PCDH19: variants seen among roughly 807,000 people sequenced by gnomAD.
The protein encoded by PCDH19 is protocadherin-19.
Under a neutral mutation model 46.2 loss-of-function variants are expected in PCDH19, and 6 were observed. The observed-to-expected ratio is 0.13, with a 90% CI of 0.07 to 0.26. PCDH19 has a LOEUF of 0.26. PCDH19 is among the 10% of genes least tolerant of loss of function. The pLI is 1.00. For synonymous variants in PCDH19, 481 were observed against 415.7 expected, an observed-to-expected ratio of 1.16 and a Z score of -1.91; for missense variants, 740 against 972.3, an observed-to-expected ratio of 0.76 and a Z score of 3.18.
chrX:100,353,418 G>T (rs1018976826), intron 3 of PCDH19, among the ~76,000 whole-genome samples: 1 of 111,936 alleles, frequency 8.9e-6, no homozygotes. Context: ...TGTGCACTCT[G>T]CATCAAATAT....
At chrX:100,385,159 CAAAAAAA>C (rs1186942086) in intron 3 of PCDH19, among the ~76,000 whole-genome samples, 12 of 38,494 alleles carry the variant, frequency 3.1e-4, no homozygotes, top group African/African-American at 7.1e-4. Context: ...ACTCTGTCTC[CAAAAAAA>C]AAAAAAAAAA....
At chrX:100,298,158 C>T (rs1020728568) in intron 5 of PCDH19, among the ~76,000 whole-genome samples, 2 of 110,802 alleles carry the variant, frequency 1.8e-5, no homozygotes, top group African/African-American at 6.6e-5. Flanking sequence ...TTTTTGTTTG[C>T]TTCTTCATTG....
At chrX:100,351,148 C>A (rs1483324878) in intron 3 of PCDH19, among the ~76,000 whole-genome samples, 2 of 112,833 alleles carry the variant, frequency 1.8e-5, no homozygotes, top group Non-Finnish European at 3.7e-5. Flanking sequence ...AGGTAATACA[C>A]CACTGTGGAT....
intron 3 of PCDH19, among the ~76,000 whole-genome samples, chrX:100,369,387 G>A (rs1056832285): frequency 1.8e-5 from 2 of 111,439 alleles, no homozygotes; most frequent in African/African-American, 6.5e-5. Flanking sequence ...ATTAAATACA[G>A]AGCACTCTAC....
chrX:100,337,859 C>T (rs1469471007), intron 5 of PCDH19, among the ~76,000 whole-genome samples: 16 of 111,594 alleles, frequency 1.4e-4, no homozygotes, highest in Non-Finnish European at 5.6e-5. Flanking sequence ...CTAACCACCC[C>T]GATTTAATTA....
rs201237399 is a variant in PCDH19 at position 100,313,784 on chromosome X, CAAGA to C, written c.2849-16913_2849-16910del. Among the ~76,000 whole-genome samples, 14 of 107,930 alleles carry C rather than the reference CAAGA, an allele frequency of 1.3e-4. No individual in the cohort carries two copies. The East Asian group carries it at 4.1e-3, about 32-fold the overall frequency. 93.7% of individuals were successfully genotyped at this position (107,930 alleles called of 115,157 possible). A position where few individuals can be genotyped will look rare whatever the true frequency, so the allele number is the denominator to read the frequency against. ...GGAGGTAGAAAAGGGTTGGAAAGGA[CAAGA>C]AAGAGGGGCAGATGCAGAATTATAT... On this transcript the variant is annotated intron_variant, in intron 5 of 5. Transcript: ENST00000373034.
Position 100,292,511 on chromosome X carries a change from A to G in PCDH19, c.*3766T>C, listed in dbSNP as rs751805755. On this transcript the variant is annotated 3_prime_UTR_variant, in exon 6 of 6. Transcript: ENST00000373034. The stretch of plus-strand genomic sequence containing the variant: ...AACAAGTGACCCACAAGCCAATTCC[A>G]GCGGCACAAGAAAACGAAGAGAGCT... The G allele has an allele frequency of 2.7e-5, 3 of 112,628 alleles. No homozygotes were observed. Among genetic ancestry groups the G allele is most frequent in the African/African-American group, 9.7e-5 (3 of 30,974 alleles). The allele number at this position is 112,628 out of a possible 1,213,427, so 9.3% of individuals were successfully genotyped here. A position where few individuals can be genotyped will look rare whatever the true frequency, so the allele number is the denominator to read the frequency against.
chrX:100,304,490 C>A (rs1280596038), intron 5 of PCDH19, among the ~76,000 whole-genome samples: 2 of 111,645 alleles, frequency 1.8e-5, no homozygotes, highest in African/African-American at 6.5e-5. Flanking sequence ...AAAAAGTATT[C>A]TGGTAATATA....
intron 3 of PCDH19, among the ~76,000 whole-genome samples, chrX:100,398,468 T>A (rs1389381061): frequency 3.6e-5 from 4 of 111,914 alleles, no homozygotes; most frequent in Non-Finnish European, 7.5e-5. Flanking sequence ...AGCACTAAAT[T>A]TTGAGGGTTC....
At chrX:100,338,987 T>A (rs1386106817) in intron 5 of PCDH19, among the ~76,000 whole-genome samples, 1 of 111,938 alleles carries the variant, frequency 8.9e-6, no homozygotes, top group East Asian at 2.8e-4. Flanking sequence ...GCAGTACTAA[T>A]ATCCAAATTA....
At chrX:100,325,558 T>C (rs190587606) in intron 5 of PCDH19, among the ~76,000 whole-genome samples, 255 of 110,629 alleles carry the variant, frequency 2.3e-3, no homozygotes, top group East Asian at 0.011. Flanking sequence ...TTAGTAGAGA[T>C]GGGGTTTCAC....
chrX:100,301,248 G>T (rs1924771908), intron 5 of PCDH19, among the ~76,000 whole-genome samples: 1 of 111,618 alleles, frequency 9.0e-6, no homozygotes, highest in Non-Finnish European at 1.9e-5. Flanking sequence ...TGGAATAGAA[G>T]AGCTAAGAGG....
At chrX:100,396,360 T>C (rs1928026094) in intron 3 of PCDH19, among the ~76,000 whole-genome samples, 1 of 111,368 alleles carries the variant, frequency 9.0e-6, no homozygotes. Flanking sequence ...GAGAGAGAGG[T>C]CTGCAGCTCA....
At chrX:100,334,056 CTGGGATTACAGGCA>C (rs1926004118) in intron 5 of PCDH19, among the ~76,000 whole-genome samples, 1 of 110,979 alleles carries the variant, frequency 9.0e-6, no homozygotes, top group South Asian at 3.8e-4. Flanking sequence ...TCCCAAAGTG[CTGGGATTACAGGCA>C]TGAGCCACCA....
intron 3 of PCDH19, among the ~76,000 whole-genome samples, chrX:100,384,031 T>C (rs1927636059): frequency 8.9e-6 from 1 of 111,819 alleles, no homozygotes; most frequent in South Asian, 3.7e-4. Context: ...GAAAATGTTT[T>C]TTACATCATA....
intron 1 of PCDH19, 69 bp downstream of exon 1, chrX:100,406,382 A>G: frequency 1.1e-6 from 1 of 880,428 alleles, no homozygotes; most frequent in Non-Finnish European, 1.6e-6. Context: ...AAGCACCAGG[A>G]TTTTCACACA....
chrX:100,364,208 C>T (rs1054924891), intron 3 of PCDH19, among the ~76,000 whole-genome samples: 1 of 110,044 alleles, frequency 9.1e-6, no homozygotes, highest in Admixed American at 9.7e-5. Flanking sequence ...GATAGGAAAA[C>T]AGGGTTAAAG....
At chrX:100,378,875 C>T (rs1927461394) in intron 3 of PCDH19, among the ~76,000 whole-genome samples, 1 of 111,849 alleles carries the variant, frequency 8.9e-6, no homozygotes, top group African/African-American at 3.3e-5. Context: ...ACTGCCATAC[C>T]AAGACATCTT....
chrX:100,309,165 C>CACAT (rs1436931315), intron 5 of PCDH19, among the ~76,000 whole-genome samples: 2 of 109,889 alleles, frequency 1.8e-5, no homozygotes, highest in Non-Finnish European at 3.8e-5. Flanking sequence ...CACACACACA[C>CACAT]ACACACACAC....
Sources: allele counts gnomAD v4.1 joint callset (sites outside exome capture counted in the v4.1 genomes callset), GRCh38; gene constraint gnomAD v4.1.1; transcripts MANE v1.5; gene names NCBI Gene and HGNC (gene_info 2026-07-23, HGNC 2026-07-21).